The following DEK variants were observed in gnomAD, a reference collection of about 807,000 sequenced individuals.
The protein encoded by DEK is DEK proto-oncogene.
A neutral mutation model predicts 46.8 loss-of-function variants in DEK; 28 were observed. The ratio of observed to expected loss-of-function variants is 0.60; its 90% CI spans 0.44 to 0.82. The LOEUF (loss-of-function observed/expected upper bound fraction) is 0.82. Ranked by LOEUF, DEK falls within the 40% of genes least tolerant of loss-of-function variation. The pLI, the probability that DEK is intolerant of heterozygous loss-of-function variation, is 0.00. For synonymous variants in DEK, 160 were observed against 144.5 expected, an observed-to-expected ratio of 1.11 and a Z score of -0.77; for missense variants, 416 against 430.6, an observed-to-expected ratio of 0.97 and a Z score of 0.30.
chr6:18,231,778 C>G (rs1790423756), intron 9 of DEK, among the ~76,000 whole-genome samples: 1 of 152,166 alleles, frequency 6.6e-6, no homozygotes, highest in Admixed American at 6.5e-5. Context: ...TGAATTCTAC[C>G]AGACGTACAA....
chr6:18,236,414 T>C, intron 9 of DEK, 38 bp downstream of exon 9: 2 of 1,591,680 alleles, frequency 1.3e-6, no homozygotes, highest in Non-Finnish European at 1.7e-6. Flanking sequence ...AGAATTTTTC[T>C]AGCAAAAGCA....
At chr6:18,254,256 G>A (rs1791510107) in intron 6 of DEK, among the ~76,000 whole-genome samples, 1 of 152,054 alleles carries the variant, frequency 6.6e-6, no homozygotes, top group South Asian at 2.1e-4. Context: ...GCTTGAACCT[G>A]GGAGACAGTG....
intron 9 of DEK, among the ~76,000 whole-genome samples, chr6:18,232,202 A>G (rs745615473): frequency 2.7e-4 from 41 of 152,222 alleles, no homozygotes; most frequent in Non-Finnish European, 4.8e-4. Flanking sequence ...TTAGGTAGTG[A>G]TGTGACGTAT....
chr6:18,251,533 C>T (rs1317476424), intron 6 of DEK, among the ~76,000 whole-genome samples: 1 of 152,176 alleles, frequency 6.6e-6, no homozygotes, highest in African/African-American at 2.4e-5. Flanking sequence ...TTAGGTCACT[C>T]CAGGAACTTG....
At chr6:18,229,377 C>T (rs184489202) in intron 9 of DEK, among the ~76,000 whole-genome samples, 56 of 152,290 alleles carry the variant, frequency 3.7e-4, no homozygotes, top group Admixed American at 7.8e-4. Context: ...CAAAGCTGGA[C>T]GGAGAATGAC....
chr6:18,230,291 C>A (rs915399994), intron 9 of DEK, among the ~76,000 whole-genome samples: 1 of 152,120 alleles, frequency 6.6e-6, no homozygotes, highest in African/African-American at 2.4e-5. Flanking sequence ...ATTGTAAAGA[C>A]CATCGATGCT....
At chr6:18,259,149 T>C (rs1791728884) in intron 2 of DEK, among the ~76,000 whole-genome samples, 1 of 151,708 alleles carries the variant, frequency 6.6e-6, no homozygotes, top group African/African-American at 2.4e-5. Flanking sequence ...GCTAACTCGG[T>C]CAGGAGATCG....
intron 9 of DEK, among the ~76,000 whole-genome samples, chr6:18,233,755 T>A (rs200358314): frequency 0.69 from 103,464 of 150,998 alleles, 36,132 homozygotes; most frequent in African/African-American, 0.82. Flanking sequence ...GGTGGGACTT[T>A]AACTAGTTCA....
chr6:18,237,249 C>A lies in DEK; in HGVS notation c.898+132G>T, dbSNP rs1000814125. ...CCAAGCATTTCAGATAAGGGATATT[C>A]AACCTGTATTACTTCTCCCCGCAAT... On this transcript the variant is annotated intron_variant, in intron 8 of 10. Coordinates refer to ENST00000652689, the MANE Select transcript of DEK (RefSeq NM_003472.4). 5.7e-6 allele frequency: 6 copies of A among 1,058,622 alleles called. No individual in the cohort carries two copies. The African/African-American group carries it at 9.9e-5, about 18-fold the overall frequency. 65.6% of individuals were successfully genotyped at this position (1,058,622 alleles called of 1,614,324 possible). A position where few individuals can be genotyped will look rare whatever the true frequency, so the allele number is the denominator to read the frequency against.
At chr6:18,263,818 T>C (rs1391148098) in intron 2 of DEK, 25 bp downstream of exon 2, 1 of 1,611,320 alleles carries the variant, frequency 6.2e-7, no homozygotes. Context: ...GAAAAATTCA[T>C]CAGTTGGGAT....
chr6:18,248,753 C>G (rs1791232340), intron 7 of DEK, among the ~76,000 whole-genome samples: 1 of 152,164 alleles, frequency 6.6e-6, no homozygotes, highest in South Asian at 2.1e-4. Context: ...AGATGATTCC[C>G]TCCTTGTCTC....
At chr6:18,252,128 T>C (rs1582286640) in intron 6 of DEK, among the ~76,000 whole-genome samples, 1 of 151,526 alleles carries the variant, frequency 6.6e-6, no homozygotes. Flanking sequence ...AATAGAAGGA[T>C]AGGAAAGCAA....
chr6:18,225,480 T>A lies in DEK; in HGVS notation c.*239A>T, dbSNP rs1179594704. 1 of 449,094 alleles carries A rather than the reference T, an allele frequency of 2.2e-6. No homozygotes were observed. Among genetic ancestry groups the A allele is most frequent in the Non-Finnish European group, 3.9e-6 (1 of 253,790 alleles). 27.8% of individuals were successfully genotyped at this position (449,094 alleles called of 1,614,324 possible). The stretch of plus-strand genomic sequence containing the variant: ...AAATCCAAAATGTACAAAATACAAC[T>A]ATAAAAGCAAGGAACAATTAATGCC... On this transcript the variant is annotated 3_prime_UTR_variant, in exon 11 of 11. Coordinates refer to ENST00000652689, the MANE Select transcript of DEK (RefSeq NM_003472.4).
chr6:18,231,535 T>C (rs1790414377), intron 9 of DEK, among the ~76,000 whole-genome samples: 1 of 151,910 alleles, frequency 6.6e-6, no homozygotes, highest in Non-Finnish European at 1.5e-5. Flanking sequence ...AAAGGGGATA[T>C]CACCACCGAT....
chr6:18,238,720 CT>C lies in DEK; in HGVS notation c.763-1205del, dbSNP rs1292694608. On this transcript the variant is annotated intron_variant, in intron 7 of 10. Coordinates refer to ENST00000652689, the MANE Select transcript of DEK (RefSeq NM_003472.4). The stretch of plus-strand genomic sequence containing the variant: ...AAAAAAGACAAAATCAGAGTTCATA[CT>C]TTGTCTCATGTGGAGCCTGTGAAAT... 4.6e-5 allele frequency among the ~76,000 whole-genome samples: 7 copies of C among 150,636 alleles called. No homozygotes were observed. The South Asian group carries it at 1.5e-3, about 32-fold the overall frequency.
chr6:18,228,748 T>A (rs1172764707), intron 9 of DEK, among the ~76,000 whole-genome samples: 3 of 151,958 alleles, frequency 2.0e-5, no homozygotes, highest in Non-Finnish European at 4.4e-5. Flanking sequence ...GCTCGGAGAG[T>A]CCCACGCCCA....
intron 7 of DEK, among the ~76,000 whole-genome samples, chr6:18,240,197 T>A (rs2151083583): frequency 6.6e-6 from 1 of 152,328 alleles, no homozygotes; most frequent in Admixed American, 6.5e-5. Context: ...TAATAATAAA[T>A]AACAAGCCAT....
intron 2 of DEK, among the ~76,000 whole-genome samples, chr6:18,262,704 G>A (rs1791932022): frequency 6.6e-6 from 1 of 152,162 alleles, no homozygotes; most frequent in South Asian, 2.1e-4. Context: ...TGGAGAAAAA[G>A]TGCAGAGCCT....
In DEK at chr6:18,228,753, C is replaced by T. The variant is rs553927892; in HGVS notation, c.1048-2511G>A. 8.5e-5 allele frequency among the ~76,000 whole-genome samples: 13 copies of T among 152,344 alleles called. No homozygotes were observed. The Middle Eastern group carries it at 0.01, about 120-fold the overall frequency. On this transcript the variant is annotated intron_variant, in intron 9 of 10. Coordinates refer to ENST00000652689, the MANE Select transcript of DEK (RefSeq NM_003472.4). ...CCCGCGCCTGGCTCGGAGAGTCCCA[C>T]GCCCACGGAGCCTCGCTCATTGCTA...
Sources: allele counts gnomAD v4.1 joint callset (sites outside exome capture counted in the v4.1 genomes callset), GRCh38; gene constraint gnomAD v4.1.1; transcripts MANE v1.5; gene names NCBI Gene and HGNC (gene_info 2026-07-23, HGNC 2026-07-21).